CA1: variants seen among roughly 807,000 people sequenced by gnomAD.
The protein encoded by CA1 is carbonate dehydratase I.
CA1 carries 27 observed loss-of-function variants against 28.8 expected under a neutral mutation model. The observed-to-expected ratio is 0.94, with a 90% CI of 0.69 to 1.29. The LOEUF is 1.29. CA1 is among the 50% of genes most tolerant of loss of function. The pLI is 0.00. For missense variants in CA1, 335 were observed against 310.5 expected, an observed-to-expected ratio of 1.08 and a Z score of -0.59; for synonymous variants, 121 against 108.8, an observed-to-expected ratio of 1.11 and a Z score of -0.70.
At chr8:85,336,076 A>G (rs1995057) in intron 4 of CA1, among the ~76,000 whole-genome samples, 81,670 of 151,994 alleles carry the variant, frequency 0.54, 22,192 homozygotes, top group African/African-American at 0.56. Context: ...GTGATTGTTC[A>G]TCAATAGAAG....
At position 85,338,397 on chromosome 8, in the gene CA1, G is replaced by A. The variant is rs1409507309; in HGVS notation, c.90C>T (p.Ser30=). Residue 30 remains serine (S), a synonymous_variant, in exon 3 of 8, where the codon TCC becomes TCT. Coordinates refer to ENST00000523022, the MANE Select transcript of CA1 (RefSeq NM_001128831.4). ...TTTCACTGGTTTTAATATCAACAGGGGACTGGTTATTTCCATTGGCAATGG... is the reference window on the plus strand; with the variant it reads ...TTTCACTGGTTTTAATATCAACAGGAGACTGGTTATTTCCATTGGCAATGG... ...LYPIANGNNQ[S]PVDIKTSETK... 1 of 1,613,848 alleles carries A rather than the reference G, an allele frequency of 6.2e-7. No individual in the cohort carries two copies. The highest frequency in any genetic ancestry group is 8.5e-7 in the Non-Finnish European group (1 of 1,179,866).
chr8:85,341,379 C>T (rs1354676772), intron 2 of CA1: 2 of 425,546 alleles, frequency 4.7e-6, no homozygotes, highest in Non-Finnish European at 8.4e-6. Flanking sequence ...TTCAGTATCT[C>T]TGAGGTATGC....
At chr8:85,329,601 C>A (rs1808312270) in intron 7 of CA1, 88 bp downstream of exon 7, 4 of 1,168,734 alleles carry the variant, frequency 3.4e-6, no homozygotes, top group Non-Finnish European at 5.0e-6. Context: ...ACAAAGCTGA[C>A]TGAAATAATA....
At chr8:85,354,180 G>T (rs1278701577) in intron 1 of CA1, among the ~76,000 whole-genome samples, 7 of 145,046 alleles carry the variant, frequency 4.8e-5, no homozygotes, top group Non-Finnish European at 9.1e-5. Flanking sequence ...TCACCATGTT[G>T]GCCAGGCTGG....
At chr8:85,371,095 TGCAGTTAGA>T (rs1810206728) in intron 1 of CA1, among the ~76,000 whole-genome samples, 1 of 152,156 alleles carries the variant, frequency 6.6e-6, no homozygotes, top group Non-Finnish European at 1.5e-5. Context: ...CTAACTTATG[TGCAGTTAGA>T]GGGAGTTTAA....
chr8:85,340,886 T>A (rs1808887887), intron 2 of CA1: 1 of 152,710 alleles, frequency 6.5e-6, no homozygotes. Context: ...GGCTCATGCC[T>A]GTAATCCCAG....
chr8:85,377,978 T>A (rs1191608021), intron 1 of CA1, 68 bp downstream of exon 1: 6 of 152,196 alleles, frequency 3.9e-5, no homozygotes, highest in Non-Finnish European at 7.3e-5. Flanking sequence ...ATTTAAAGAT[T>A]CTTTTGGCAG....
At chr8:85,341,793 C>A in intron 1 of CA1, 134 bp from the exon 2 acceptor site, 1 of 620,516 alleles carries the variant, frequency 1.6e-6, no homozygotes, top group Non-Finnish European at 2.9e-6. Context: ...CTCTGCTTAT[C>A]AGGAAGTACA....
At chr8:85,341,335 T>G (rs1248281500) in intron 2 of CA1, 1 of 332,614 alleles carries the variant, frequency 3.0e-6, no homozygotes, top group Non-Finnish European at 5.4e-6. Flanking sequence ...TTTCTTGTGA[T>G]ATTTGCTTAA....
intron 1 of CA1, among the ~76,000 whole-genome samples, chr8:85,354,089 G>C (rs1056972938): frequency 1.3e-5 from 2 of 151,158 alleles, no homozygotes; most frequent in Non-Finnish European, 2.9e-5. Context: ...TCAGCCTCCC[G>C]AGTAGCTGGG....
At chr8:85,349,005 GAC>G (rs1332904152) in intron 1 of CA1, among the ~76,000 whole-genome samples, 1 of 152,152 alleles carries the variant, frequency 6.6e-6, no homozygotes, top group East Asian at 1.9e-4. Context: ...GAAATCAAGG[GAC>G]ATAATCTGAC....
At chr8:85,337,977 A>C in intron 3 of CA1, 1 of 556,350 alleles carries the variant, frequency 1.8e-6, no homozygotes, top group Non-Finnish European at 3.3e-6. Flanking sequence ...CTGTTTATTC[A>C]GAGACAGTGA....
rs778407527 is a variant in CA1 at position 85,327,688 on chromosome 8, C to G, written c.*872G>C. ...AACAAACAGAAAACACCACACTATA[C>G]TCCATAAACATGTACAATTATTGTG... On this transcript the variant is annotated 3_prime_UTR_variant, in exon 8 of 8. Transcript: ENST00000523022. 2 of 152,070 alleles carry G rather than the reference C, an allele frequency of 1.3e-5. No individual in the cohort carries two copies. Among genetic ancestry groups the G allele is most frequent in the Non-Finnish European group, 2.9e-5 (2 of 68,040 alleles). 9.4% of individuals were successfully genotyped at this position (152,070 alleles called of 1,614,324 possible).
chr8:85,329,392 G>T (rs1352176951), intron 7 of CA1, among the ~76,000 whole-genome samples: 4 of 152,112 alleles, frequency 2.6e-5, no homozygotes, highest in Non-Finnish European at 4.4e-5. Flanking sequence ...TCCAGTCACA[G>T]TTTTTCCTTT....
chr8:85,343,928 A>C (rs1809025147), intron 1 of CA1, among the ~76,000 whole-genome samples: 1 of 151,380 alleles, frequency 6.6e-6, no homozygotes, highest in Non-Finnish European at 1.5e-5. Flanking sequence ...CTCTCAGCTG[A>C]ATCTATGCCA....
At position 85,343,253 on chromosome 8, in the gene CA1, C is replaced by T. The variant is rs568952962; in HGVS notation, c.-24-1594G>A. The T allele has an allele frequency of 1.2e-4, 18 of 152,110 alleles. 3 individuals carry two copies. Among genetic ancestry groups the T allele is most frequent in the Admixed American group, 1.2e-3 (18 of 15,264 alleles). 9.4% of individuals were successfully genotyped at this position (152,110 alleles called of 1,614,324 possible). A position where few individuals can be genotyped will look rare whatever the true frequency, so the allele number is the denominator to read the frequency against. On this transcript the variant is annotated intron_variant, in intron 1 of 7. Coordinates refer to ENST00000523022, the MANE Select transcript of CA1 (RefSeq NM_001128831.4). Reference sequence around the variant, plus strand: ...GGAAAAAGAAAAAAATTGTGTTTTACATTAAAAAAATATTGAGGCTTACAG... The same window carrying T: ...GGAAAAAGAAAAAAATTGTGTTTTATATTAAAAAAATATTGAGGCTTACAG...
At chr8:85,338,636 C>CTTTCTTTA (rs1808768337) in intron 2 of CA1, among the ~76,000 whole-genome samples, 187 bp from the exon 3 acceptor site, 1 of 3,846 alleles carries the variant, frequency 2.6e-4, no homozygotes. Context: ...CCTTCTTTTT[C>CTTTCTTTA]TTTCTTTCTT....
intron 1 of CA1, among the ~76,000 whole-genome samples, chr8:85,377,159 T>G (rs1810451905): frequency 1.3e-5 from 2 of 152,190 alleles, no homozygotes; most frequent in South Asian, 4.1e-4. Flanking sequence ...ATCAGATATA[T>G]GAACCATATA....
In CA1 at chr8:85,333,547, G is replaced by T; in HGVS notation, c.428C>A (p.Ala143Glu). The T allele has an allele frequency of 6.2e-7, 1 of 1,611,700 alleles. No homozygotes were observed. Among genetic ancestry groups the T allele is most frequent in the South Asian group, 1.1e-5 (1 of 91,034 alleles). ...CACCTTCATCAAAACACCAATAACT[G>T]CCAAACCATCAGCCTTTGAGGCAGC... is the stretch of plus-strand genomic sequence containing the variant. Reference protein sequence around the residue: ...AEAASKADGLAVIGVLMKVGE... With the variant: ...AEAASKADGLEVIGVLMKVGE... Residue 143 changes from alanine to glutamate, a missense_variant, in exon 5 of 8, where the codon GCA becomes GAA. Transcript: ENST00000523022.
Sources: allele counts gnomAD v4.1 joint callset (sites outside exome capture counted in the v4.1 genomes callset), GRCh38; gene constraint gnomAD v4.1.1; transcripts MANE v1.5; gene names NCBI Gene and HGNC (gene_info 2026-07-23, HGNC 2026-07-21).